Variants in NACC2 observed in about 807,000 individuals in gnomAD.
NACC2 encodes nucleus accumbens-associated protein 2.
NACC2 carries 8 observed loss-of-function variants against 25.1 expected under a neutral mutation model. The observed-to-expected ratio is 0.32, with a 90% CI of 0.19 to 0.57. NACC2 has a LOEUF of 0.57. Among genes scored for constraint, NACC2 ranks in the 20% least tolerant of loss-of-function variants. NACC2 has a pLI of 0.89. For synonymous variants in NACC2, 435 were observed against 294.7 expected (o/e 1.48, Z -4.88); for missense variants, 644 against 650.2 (o/e 0.99, Z 0.10).
chr9:136,043,121 T>C (rs565564711), intron 2 of NACC2, among the ~76,000 whole-genome samples: 4,518 of 152,300 alleles, frequency 0.03, 227 homozygotes, highest in African/African-American at 0.1. Context: ...AATACAACTT[T>C]AATAAATTGA....
chr9:136,059,910 C>T (rs74653792), intron 1 of NACC2, among the ~76,000 whole-genome samples: 3 of 152,218 alleles, frequency 2.0e-5, no homozygotes, highest in African/African-American at 4.8e-5. Flanking sequence ...AGACCCACCC[C>T]GATGTCCTGA....
intron 1 of NACC2, among the ~76,000 whole-genome samples, chr9:136,054,816 C>A (rs996504725): frequency 6.6e-6 from 1 of 152,152 alleles, no homozygotes; most frequent in African/African-American, 2.4e-5. Flanking sequence ...AATCAGAGGT[C>A]GCCAACTTTG....
Position 136,054,216 on chromosome 9 carries a change from G to A in NACC2, c.-59-3636C>T, listed in dbSNP as rs942646874. On this transcript the variant is annotated intron_variant, in intron 1 of 5. Transcript: ENST00000277554. ...GGCGTCTTAACGCCCAGCCCAGTTC[G>A]GCCTGCGTCCGCACCTCAGGAGCTG... Among the ~76,000 whole-genome samples, 4 of 152,188 alleles carry A rather than the reference G, an allele frequency of 2.6e-5. No individual in the cohort carries two copies. In the East Asian group the frequency reaches 5.8e-4, roughly 22 times the overall value.
At chr9:136,079,978 T>G (rs1164021932) in intron 1 of NACC2, among the ~76,000 whole-genome samples, 1 of 152,186 alleles carries the variant, frequency 6.6e-6, no homozygotes, top group East Asian at 1.9e-4. Flanking sequence ...GAGCTACAGA[T>G]GGGCTCTGCT....
intron 2 of NACC2, among the ~76,000 whole-genome samples, chr9:136,047,900 C>T (rs1840753857): frequency 1.3e-5 from 2 of 152,314 alleles, no homozygotes; most frequent in Admixed American, 1.3e-4. Context: ...CCCAGCAAAC[C>T]CGACACCCAG....
In NACC2 at chr9:136,013,310, C is replaced by G. The variant is rs369495886; in HGVS notation, c.1158-14G>C. 37 of 1,608,526 alleles carry G rather than the reference C, an allele frequency of 2.3e-5. No individual in the cohort carries two copies. In the African/African-American group the frequency reaches 4.5e-4, roughly 20 times the overall value. Reference sequence around the variant, plus strand: ...GCCAGCGTGTTCCTGGTGGAGGGACCGGAAAGGCAGGCAGGGTGAGGATGA... The same window carrying G: ...GCCAGCGTGTTCCTGGTGGAGGGACGGGAAAGGCAGGCAGGGTGAGGATGA... On this transcript the variant is annotated splice_polypyrimidine_tract_variant and intron_variant, in intron 4 of 5. Coordinates refer to ENST00000277554, the MANE Select transcript of NACC2 (RefSeq NM_144653.5). This position sits in a 1 kb window ranked among gnomAD's most constrained non-coding sequence, Gnocchi z 6.6.
chr9:136,047,867 A>G (rs1840753598), intron 2 of NACC2, among the ~76,000 whole-genome samples: 1 of 152,180 alleles, frequency 6.6e-6, no homozygotes, highest in African/African-American at 2.4e-5. Flanking sequence ...TGCATGGGAC[A>G]AGTCACGAGG....
chr9:136,082,441 C>T (rs547127977), intron 1 of NACC2, among the ~76,000 whole-genome samples: 2 of 152,226 alleles, frequency 1.3e-5, no homozygotes, highest in South Asian at 2.1e-4. Flanking sequence ...TGCACAGGGC[C>T]GAGCTGATGG....
intron 1 of NACC2, among the ~76,000 whole-genome samples, chr9:136,087,707 G>A (rs936940261): frequency 2.0e-5 from 3 of 152,300 alleles, no homozygotes; most frequent in South Asian, 2.1e-4. Flanking sequence ...AGCTTCCACC[G>A]CAGCACGGGG....
chr9:136,053,592 T>C (rs1840880574), intron 1 of NACC2, among the ~76,000 whole-genome samples: 1 of 152,098 alleles, frequency 6.6e-6, no homozygotes, highest in Admixed American at 6.5e-5. Flanking sequence ...AAGGGCTGAA[T>C]GCTGGACACA....
chr9:136,030,423 C>T (rs1362145138), intron 2 of NACC2, among the ~76,000 whole-genome samples: 1 of 151,878 alleles, frequency 6.6e-6, no homozygotes, highest in Non-Finnish European at 1.5e-5. Context: ...TCCCGGTGAA[C>T]ACAGTGAAAC....
At position 136,011,651 on chromosome 9, in the gene NACC2, G is replaced by C. The variant is rs935145376; in HGVS notation, c.1629C>G (p.Ala543=). 1 of 1,403,982 alleles carries C rather than the reference G, an allele frequency of 7.1e-7. No homozygotes were observed. The highest frequency in any genetic ancestry group is 1.5e-5 in the African/African-American group (1 of 65,786). 87.0% of individuals were successfully genotyped at this position (1,403,982 alleles called of 1,614,324 possible). A position where few individuals can be genotyped will look rare whatever the true frequency, so the allele number is the denominator to read the frequency against. ...CATCGGCGGGCAGCGGCTCGGGGGC[G>C]GCCACCTCCTGGATGACCGAGCCAG... ...DGAGSVIQEV[A]APEPLPADGQ... Residue 543 remains alanine (A), a synonymous_variant, in exon 6 of 6, where the codon GCC becomes GCG. Coordinates refer to ENST00000277554, the MANE Select transcript of NACC2 (RefSeq NM_144653.5).
chr9:136,017,894 C>T (rs1313199049), intron 2 of NACC2, among the ~76,000 whole-genome samples: 1 of 152,228 alleles, frequency 6.6e-6, no homozygotes, highest in Non-Finnish European at 1.5e-5. Flanking sequence ...CTCCACCTGC[C>T]CGATTGCACG....
rs1013029709 is a variant in NACC2, at chr9:136,013,089, C to T, written c.1255+110G>A. ...TCAGACCATGCTCGGCCCCCAGGGA[C>T]GGAAGCTGCAGGTGGCCGGGAGCAC... On this transcript the variant is annotated intron_variant, in intron 5 of 5. Transcript: ENST00000277554. The surrounding 1 kb of genome is among the most constrained non-coding windows in gnomAD (Gnocchi z 6.6). 43 of 841,580 alleles carry T rather than the reference C, an allele frequency of 5.1e-5. No homozygotes were observed. The highest frequency in any genetic ancestry group is 2.4e-4 in the South Asian group (14 of 58,370). 52.1% of individuals were successfully genotyped at this position (841,580 alleles called of 1,614,324 possible). A position where few individuals can be genotyped will look rare whatever the true frequency, so the allele number is the denominator to read the frequency against.
chr9:136,092,405 C>T (rs1830442427), intron 1 of NACC2, among the ~76,000 whole-genome samples: 1 of 152,216 alleles, frequency 6.6e-6, no homozygotes, highest in Admixed American at 6.5e-5. Context: ...AACTCCCGCA[C>T]CTGCCCACAT....
At position 136,062,751 on chromosome 9, in the gene NACC2, C is replaced by CA. The variant is rs752189354; in HGVS notation, c.-59-12172dup. ...GCAACATGGCGAAACCCCATCTCTA[C>CA]AAAAAAATACAAAGACTTAGCCAAG... On this transcript the variant is annotated intron_variant, in intron 1 of 5. Coordinates refer to ENST00000277554, the MANE Select transcript of NACC2 (RefSeq NM_144653.5). Among the ~76,000 whole-genome samples, 5 of 152,164 alleles carry CA rather than the reference C, an allele frequency of 3.3e-5. No homozygotes were observed. In the East Asian group the frequency reaches 5.8e-4, roughly 18 times the overall value.
chr9:136,039,575 A>G (rs931252806), intron 2 of NACC2, among the ~76,000 whole-genome samples: 1 of 152,258 alleles, frequency 6.6e-6, no homozygotes, highest in Non-Finnish European at 1.5e-5. Context: ...AAATTCCTTG[A>G]GAAAATATCA....
intron 2 of NACC2, among the ~76,000 whole-genome samples, chr9:136,046,498 G>A (rs1840727104): frequency 6.6e-6 from 1 of 152,220 alleles, no homozygotes; most frequent in Non-Finnish European, 1.5e-5. Context: ...GCGCCCTGAA[G>A]TGACTGCTGC....
At position 136,018,138 on chromosome 9, in the gene NACC2, C is replaced by T. The variant is rs1165405781; in HGVS notation, c.887-1709G>A. Among the ~76,000 whole-genome samples the T allele has an allele frequency of 3.3e-5, 5 of 152,142 alleles. No homozygotes were observed. Among genetic ancestry groups the T allele is most frequent in the Non-Finnish European group, 7.4e-5 (5 of 67,998 alleles). On this transcript the variant is annotated intron_variant, in intron 2 of 5. Transcript: ENST00000277554. This position sits in a 1 kb window ranked among gnomAD's most constrained non-coding sequence, Gnocchi z 4.4. ...GCTCCATGCAGAGCCCACCTGCGGCCGCACCGCACCAGGACGCTCAGAGGC... is the reference window on the plus strand; with the variant it reads ...GCTCCATGCAGAGCCCACCTGCGGCTGCACCGCACCAGGACGCTCAGAGGC...
Sources: gnomAD v4.1 joint callset for allele counts (sites outside exome capture counted in the v4.1 genomes callset) on GRCh38, gnomAD v4.1.1 for gene constraint, Gnocchi (gnomAD v3.1) non-coding constraint, MANE v1.5 for transcripts, NCBI Gene and HGNC (gene_info 2026-07-23, HGNC 2026-07-21) for gene names.